The following EEA1 variants were observed in gnomAD, a reference collection of about 807,000 sequenced individuals.
EEA1 encodes the protein early endosome antigen 1, 162kD.
A neutral mutation model predicts 209.2 loss-of-function variants in EEA1; 111 were observed. That is an observed-to-expected ratio of 0.53 (90% confidence interval 0.45 to 0.62). The LOEUF is 0.62. EEA1 is among the 20% of genes least tolerant of loss of function. The pLI, the probability that EEA1 is intolerant of heterozygous loss-of-function variation, is 0.00. For synonymous variants in EEA1, 536 were observed against 540.6 expected, an observed-to-expected ratio of 0.99 and a Z score of 0.12; for missense variants, 1,343 against 1,530.8, an observed-to-expected ratio of 0.88 and a Z score of 2.05.
In EEA1 at chr12:92,778,035, G is replaced by A. The variant is rs1418015509; in HGVS notation, c.3799C>T (p.Leu1267Phe). The change falls in exon 26 of 29, where the codon CTT becomes TTT. Residue 1267 changes from leucine (L) to phenylalanine (F), a missense_variant. Transcript: ENST00000322349. The stretch of plus-strand genomic sequence containing the variant: ...CGTAAGTCATCCGTTTGTTTCTCAA[G>A]CTCACTAACTCTCCGTTGACTAGAT... Reference protein sequence around the residue: ...WQSSQRRVSELEKQTDDLRGE... With the variant: ...WQSSQRRVSEFEKQTDDLRGE... 4 of 1,613,346 alleles carry A rather than the reference G, an allele frequency of 2.5e-6. No individual in the cohort carries two copies. The highest frequency in any genetic ancestry group is 2.7e-5 in the African/African-American group (2 of 74,844).
intron 2 of EEA1, among the ~76,000 whole-genome samples, chr12:92,882,907 G>C (rs951834736): frequency 3.3e-5 from 5 of 152,130 alleles, no homozygotes; most frequent in Admixed American, 1.3e-4. Context: ...CTTTTTGGTA[G>C]AACAGTTTGT....
rs1311441492 is a variant in EEA1 at position 92,891,765 on chromosome 12, T to C, written c.25-44A>G. On this transcript the variant is annotated intron_variant, in intron 1 of 28. Coordinates refer to ENST00000322349, the MANE Select transcript of EEA1 (RefSeq NM_003566.4). ...GGAGGAAAAAAAAACAAAGCAGACATTAACAATATATTCATCGGCCATTTA... is the reference window on the plus strand; with the variant it reads ...GGAGGAAAAAAAAACAAAGCAGACACTAACAATATATTCATCGGCCATTTA... 3 of 1,366,680 alleles carry C rather than the reference T, an allele frequency of 2.2e-6. No individual in the cohort carries two copies. The African/African-American group carries it at 4.4e-5, about 20-fold the overall frequency. 84.7% of individuals were successfully genotyped at this position (1,366,680 alleles called of 1,614,324 possible).
At position 92,774,353 on chromosome 12, in the gene EEA1, T is replaced by C. The variant is rs1276171702; in HGVS notation, c.*1658A>G. 1.3e-5 allele frequency: 2 copies of C among 151,518 alleles called. No homozygotes were observed. Among genetic ancestry groups the C allele is most frequent in the Non-Finnish European group, 3.0e-5 (2 of 67,558 alleles). 9.4% of individuals were successfully genotyped at this position (151,518 alleles called of 1,614,324 possible). A position where few individuals can be genotyped will look rare whatever the true frequency, so the allele number is the denominator to read the frequency against. ...TTTTTTTTAAATAATTAAACAAATA[T>C]GTAGTGATCTCTTTAGTTTACATAC... On this transcript the variant is annotated 3_prime_UTR_variant, in exon 29 of 29. Transcript: ENST00000322349.
chr12:92,802,016 C>T (rs1874939264), intron 19 of EEA1, among the ~76,000 whole-genome samples: 1 of 151,954 alleles, frequency 6.6e-6, no homozygotes, highest in Non-Finnish European at 1.5e-5. Flanking sequence ...ACTTGCCACA[C>T]TACTTTTATA....
intron 1 of EEA1, chr12:92,895,469 G>A (rs1273932434): frequency 6.6e-6 from 1 of 151,738 alleles, no homozygotes; most frequent in Non-Finnish European, 1.5e-5. Context: ...CTGGCTGGAT[G>A]ACTGAATATT....
intron 1 of EEA1, among the ~76,000 whole-genome samples, chr12:92,914,820 C>T (rs1880708433): frequency 6.6e-6 from 1 of 152,096 alleles, no homozygotes; most frequent in South Asian, 2.1e-4. Context: ...TGCATCCCCA[C>T]GACCAACTAA....
At chr12:92,851,311 AAAT>A (rs1486307176) in intron 8 of EEA1, 45 bp from the exon 9 acceptor site, 1 of 1,538,908 alleles carries the variant, frequency 6.5e-7, no homozygotes, top group Admixed American at 2.0e-5. Flanking sequence ...TGAAAAACTA[AAAT>A]AATACACATT....
intron 12 of EEA1, among the ~76,000 whole-genome samples, 199 bp from the exon 13 acceptor site, chr12:92,826,484 C>T (rs182860064): frequency 6.6e-6 from 1 of 151,450 alleles, no homozygotes; most frequent in African/African-American, 2.4e-5. Context: ...CCAAGATGGG[C>T]GAATCACAAG....
At chr12:92,839,659 T>C (rs965976666) in intron 10 of EEA1, among the ~76,000 whole-genome samples, 1 of 152,198 alleles carries the variant, frequency 6.6e-6, no homozygotes, top group Non-Finnish European at 1.5e-5. Flanking sequence ...AGAAATGCTA[T>C]TTATGTTAAT....
chr12:92,864,927 A>T lies in EEA1; in HGVS notation c.178T>A (p.Tyr60Asn), dbSNP rs754423783. 1.2e-6 allele frequency: 2 copies of T among 1,611,042 alleles called. No homozygotes were observed. Among genetic ancestry groups the T allele is most frequent in the East Asian group, 4.5e-5 (2 of 44,680 alleles). ...TTACCAGCATCATGAACAGCTTCAT[A>T]ATGTTTGAAAAGTTCATCAGCAGAT... The part of the protein sequence containing the change: ...LGSADELFKH[Y>N]EAVHDAGNDS... Residue 60 changes from tyrosine to asparagine, a missense_variant, in exon 3 of 29, where the codon TAT becomes AAT. Around this residue, in one of 3 missense-constraint regions of EEA1, gnomAD observed 1,307 missense variants for 1,465.5 expected, o/e 0.89. Transcript: ENST00000322349.
At chr12:92,784,504 A>G (rs1874043955) in intron 22 of EEA1, among the ~76,000 whole-genome samples, 1 of 152,216 alleles carries the variant, frequency 6.6e-6, no homozygotes, top group African/African-American at 2.4e-5. Flanking sequence ...AGAGCCTGGA[A>G]AGCAACCCTA....
intron 1 of EEA1, among the ~76,000 whole-genome samples, chr12:92,912,717 T>G (rs1880622657): frequency 6.6e-6 from 1 of 152,116 alleles, no homozygotes; most frequent in Non-Finnish European, 1.5e-5. Context: ...CCTCCCACCC[T>G]CACCCTTTCC....
At chr12:92,840,578 C>T (rs576272336) in intron 10 of EEA1, among the ~76,000 whole-genome samples, 2 of 152,360 alleles carry the variant, frequency 1.3e-5, no homozygotes, top group East Asian at 1.9e-4. Context: ...TCCCAAAGTG[C>T]TGGGATTACA....
At chr12:92,906,266 A>AT (rs1880382966) in intron 1 of EEA1, among the ~76,000 whole-genome samples, 5 of 151,114 alleles carry the variant, frequency 3.3e-5, no homozygotes, top group South Asian at 4.2e-4. Flanking sequence ...TAATTTTTGT[A>AT]TTTTTTTTAT....
intron 2 of EEA1, among the ~76,000 whole-genome samples, chr12:92,887,633 G>A (rs1273987040): frequency 6.6e-6 from 1 of 151,916 alleles, no homozygotes; most frequent in Non-Finnish European, 1.5e-5. Flanking sequence ...AGGCAATAGA[G>A]CAAGACCTTG....
At position 92,854,126 on chromosome 12, in the gene EEA1, C is replaced by T. The variant is rs143836987; in HGVS notation, c.367-172G>A. Among the ~76,000 whole-genome samples the T allele has an allele frequency of 5.3e-5, 8 of 152,252 alleles. 1 individual carries two copies. In the East Asian group the frequency reaches 1.2e-3, roughly 22 times the overall value. On this transcript the variant is annotated intron_variant, in intron 5 of 28. Coordinates refer to ENST00000322349, the MANE Select transcript of EEA1 (RefSeq NM_003566.4). ...TTCTTCCAGATCTGTAAGAGACCAG[C>T]AGGCAGACTAGCCTAATGATCTAAC...
intron 18 of EEA1, among the ~76,000 whole-genome samples, chr12:92,804,566 T>C (rs7303813): frequency 0.96 from 130,336 of 136,402 alleles, 62,291 homozygotes; most frequent in East Asian, 1. Context: ...AGTGAGACTC[T>C]GTCTCAAAAA....
At chr12:92,806,650 T>A (rs1374379673) in intron 18 of EEA1, among the ~76,000 whole-genome samples, 2 of 152,194 alleles carry the variant, frequency 1.3e-5, no homozygotes, top group Non-Finnish European at 1.5e-5. Flanking sequence ...AACTCTGATA[T>A]CAAAACCTGA....
chr12:92,813,369 C>CTT (rs982600863), intron 15 of EEA1, among the ~76,000 whole-genome samples: 1 of 152,024 alleles, frequency 6.6e-6, no homozygotes, highest in Non-Finnish European at 1.5e-5. Context: ...AAAAGGTACA[C>CTT]TTTTTTTCCA....
Sources: allele counts gnomAD v4.1 joint callset (sites outside exome capture counted in the v4.1 genomes callset), GRCh38; gene constraint gnomAD v4.1.1; regional missense constraint gnomAD v4.1.1; transcripts MANE v1.5; gene names NCBI Gene and HGNC (gene_info 2026-07-23, HGNC 2026-07-21).